PTPRK: variants seen among roughly 807,000 people sequenced by gnomAD.
PTPRK encodes protein tyrosine phosphatase receptor type K.
In PTPRK, 75 loss-of-function variants were observed where a neutral mutation model predicts 178.0. The observed-to-expected ratio is 0.42, with a 90% CI of 0.35 to 0.51. PTPRK has a LOEUF of 0.51. Among genes scored for constraint, PTPRK ranks in the 20% least tolerant of loss-of-function variants. PTPRK has a pLI of 0.02. For synonymous variants in PTPRK, 637 were observed against 620.6 expected, an observed-to-expected ratio of 1.03 and a Z score of -0.39; for missense variants, 1,441 against 1,797.8, an observed-to-expected ratio of 0.80 and a Z score of 3.59.
chr6:128,405,980 T>G (rs1227374088), intron 1 of PTPRK, among the ~76,000 whole-genome samples: 2 of 151,984 alleles, frequency 1.3e-5, no homozygotes, highest in Admixed American at 6.6e-5. Flanking sequence ...ATGTAAATAA[T>G]TAAAATGCAT....
chr6:128,199,580 G>A, intron 6 of PTPRK, among the ~76,000 whole-genome samples: 1 of 147,906 alleles, frequency 6.8e-6, no homozygotes, highest in South Asian at 2.2e-4. Flanking sequence ...AGGAAGGGAG[G>A]GAGGGAGGGA....
At chr6:128,184,354 C>T in intron 7 of PTPRK, 78 bp downstream of exon 7, 2 of 1,371,146 alleles carry the variant, frequency 1.5e-6, no homozygotes, top group Non-Finnish European at 2.0e-6. Context: ...ATAATGAGAA[C>T]CTTCAACACT....
intron 3 of PTPRK, among the ~76,000 whole-genome samples, chr6:128,276,982 C>A (rs1185922081): frequency 6.6e-6 from 1 of 152,074 alleles, no homozygotes; most frequent in African/African-American, 2.4e-5. Context: ...CAAAGGGCCT[C>A]CCCACTTTGT....
In PTPRK at chr6:128,080,148, G is replaced by A. The variant is rs980603808; in HGVS notation, c.1778-1230C>T. 8.6e-5 allele frequency among the ~76,000 whole-genome samples: 13 copies of A among 151,886 alleles called. No individual in the cohort carries two copies. The South Asian group carries it at 2.7e-3, about 32-fold the overall frequency. ...AAAACTCATCAGGAAGAGAAAGGAT[G>A]AACTAAAATTCTGAGAAAGGAAGCA... On this transcript the variant is annotated intron_variant, in intron 10 of 29. Transcript: ENST00000368226.
intron 3 of PTPRK, among the ~76,000 whole-genome samples, chr6:128,305,465 T>C (rs529350170): frequency 1.8e-4 from 28 of 152,296 alleles, no homozygotes; most frequent in African/African-American, 5.5e-4. Context: ...ACAAGTCTAC[T>C]AGAATCTAAA....
intron 13 of PTPRK, among the ~76,000 whole-genome samples, chr6:128,010,494 C>G (rs1360376231): frequency 6.6e-6 from 1 of 151,250 alleles, no homozygotes; most frequent in African/African-American, 2.4e-5. Context: ...TCTCTATCCC[C>G]CTCCCCGCAA....
intron 2 of PTPRK, among the ~76,000 whole-genome samples, chr6:128,336,511 T>G (rs755293298): frequency 6.6e-6 from 1 of 152,168 alleles, no homozygotes; most frequent in Non-Finnish European, 1.5e-5. Context: ...AAGAAGAAAC[T>G]TAATAGTTTC....
At chr6:128,259,608 T>G (rs1005261630) in intron 3 of PTPRK, among the ~76,000 whole-genome samples, 3 of 152,212 alleles carry the variant, frequency 2.0e-5, no homozygotes, top group Non-Finnish European at 4.4e-5. Flanking sequence ...TTCAATGATT[T>G]CGTTACTTAC....
rs147858661 is a variant in PTPRK, at chr6:128,378,680, C to T, written c.223+18886G>A. On this transcript the variant is annotated intron_variant, in intron 2 of 29. Transcript: ENST00000368226. ...ATTACTGCTAATGTATATGCATAAT[C>T]GTTCAAAGAAGTCCAAAGAATACTA... is the stretch of plus-strand genomic sequence containing the variant. Among the ~76,000 whole-genome samples the T allele has an allele frequency of 4.4e-3, 675 of 152,104 alleles. 2 individuals carry two copies. Among genetic ancestry groups the T allele is most frequent in the Non-Finnish European group, 8.2e-3 (555 of 67,918 alleles).
chr6:128,459,900 G>T (rs951021796), intron 1 of PTPRK, among the ~76,000 whole-genome samples: 3 of 142,290 alleles, frequency 2.1e-5, no homozygotes, highest in Admixed American at 6.7e-5. Context: ...AGAGGGCTCA[G>T]GGAGTTTTCA....
chr6:127,977,464 C>T (rs1279186194), intron 25 of PTPRK, among the ~76,000 whole-genome samples: 1 of 152,124 alleles, frequency 6.6e-6, no homozygotes, highest in African/African-American at 2.4e-5. Flanking sequence ...GCACAAAACC[C>T]CTGGTATGTC....
chr6:128,334,585 C>T (rs1830664736), intron 2 of PTPRK, among the ~76,000 whole-genome samples: 1 of 152,158 alleles, frequency 6.6e-6, no homozygotes, highest in Non-Finnish European at 1.5e-5. Flanking sequence ...GAGAAGAATT[C>T]AGATTGAACA....
chr6:128,496,490 T>C (rs1854680184), intron 1 of PTPRK, among the ~76,000 whole-genome samples: 1 of 152,214 alleles, frequency 6.6e-6, no homozygotes, highest in Non-Finnish European at 1.5e-5. Context: ...GAATATTTGA[T>C]GAATAACCAT....
At chr6:128,498,044 A>T (rs1250094134) in intron 1 of PTPRK, among the ~76,000 whole-genome samples, 1 of 152,202 alleles carries the variant, frequency 6.6e-6, no homozygotes, top group Non-Finnish European at 1.5e-5. Context: ...GTTGTAAAAA[A>T]AAACAAAAAC....
chr6:128,020,970 TA>T (rs1773415858), intron 13 of PTPRK, among the ~76,000 whole-genome samples: 1 of 152,184 alleles, frequency 6.6e-6, no homozygotes, highest in Admixed American at 6.5e-5. Context: ...TTTACTAAAT[TA>T]GAGACTGCCT....
chr6:128,515,759 C>T (rs1403059751), intron 1 of PTPRK, among the ~76,000 whole-genome samples: 1 of 152,114 alleles, frequency 6.6e-6, no homozygotes, highest in African/African-American at 2.4e-5. Context: ...AATCTGTAAA[C>T]TTTCTTGATG....
At chr6:128,244,774 G>A (rs563921794) in intron 3 of PTPRK, among the ~76,000 whole-genome samples, 3 of 152,324 alleles carry the variant, frequency 2.0e-5, no homozygotes, top group Admixed American at 2.0e-4. Context: ...CTAGCAGGAG[G>A]AGGTGAAAAC....
At chr6:127,974,490 C>A (rs1774296456) in intron 27 of PTPRK, among the ~76,000 whole-genome samples, 1 of 152,208 alleles carries the variant, frequency 6.6e-6, no homozygotes, top group Non-Finnish European at 1.5e-5. Flanking sequence ...GAATGACCAA[C>A]TTGTCCCAGG....
chr6:128,119,617 C>G (rs1287787320), intron 7 of PTPRK, among the ~76,000 whole-genome samples: 1 of 151,974 alleles, frequency 6.6e-6, no homozygotes, highest in Non-Finnish European at 1.5e-5. Flanking sequence ...TAAATTTACT[C>G]AAGGACCAAA....
Sources: gnomAD v4.1 joint callset for allele counts (sites outside exome capture counted in the v4.1 genomes callset) on GRCh38, gnomAD v4.1.1 for gene constraint, MANE v1.5 for transcripts, NCBI Gene and HGNC (gene_info 2026-07-23, HGNC 2026-07-21) for gene names.